COL6A6: variants seen among roughly 807,000 people sequenced by gnomAD.
COL6A6 encodes the protein collagen type VI alpha 6 chain.
In COL6A6, 183 loss-of-function variants were observed where a neutral mutation model predicts 208.6. The observed-to-expected ratio is 0.88, with a 90% CI of 0.78 to 0.99. The LOEUF is 0.99. COL6A6 is among the 50% of genes least tolerant of loss of function. The pLI is 0.00. For missense variants in COL6A6, 2,816 were observed against 2,815.2 expected, an observed-to-expected ratio of 1.00 and a Z score of -0.01; for synonymous variants, 973 against 1,011.8, an observed-to-expected ratio of 0.96 and a Z score of 0.73.
At chr3:130,554,225 G>C (rs1048705443) in intron 1 of COL6A6, among the ~76,000 whole-genome samples, 3 of 152,228 alleles carry the variant, frequency 2.0e-5, no homozygotes, top group South Asian at 4.1e-4. Context: ...TTTCTTGGCT[G>C]GTATAGGGGT....
chr3:130,640,261 A>G (rs1049914856), intron 28 of COL6A6, among the ~76,000 whole-genome samples: 2 of 152,166 alleles, frequency 1.3e-5, no homozygotes, highest in African/African-American at 4.8e-5. Flanking sequence ...TTAGGATTCA[A>G]CTTTCTCAGG....
In COL6A6 at chr3:130,563,627, G is replaced by C; in HGVS notation, c.624G>C (p.Lys208Asn). Residue 208 changes from lysine to asparagine, a missense_variant, in exon 3 of 37, where the codon AAG becomes AAC. Coordinates refer to ENST00000358511, the MANE Select transcript of COL6A6 (RefSeq NM_001102608.3). ...NMTHIIKDVI[K>N]YKEGAVDDIF... is the part of the protein sequence containing the mutation. ...CACACATCATCAAGGATGTAATAAA[G>C]TACAAGGAGGGAGCAGTTGATGACA... is the stretch of plus-strand genomic sequence containing the variant. 6.2e-7 allele frequency: 1 copy of C among 1,613,574 alleles called. No individual in the cohort carries two copies. The highest frequency in any genetic ancestry group is 8.5e-7 in the Non-Finnish European group (1 of 1,179,562).
Position 130,599,342 on chromosome 3 carries a change from C to T in COL6A6, c.4600-415C>T, listed in dbSNP as rs1243617319. On this transcript the variant is annotated intron_variant, in intron 19 of 36. Transcript: ENST00000358511. ...TCTTTTTATTATGAGACTTTATTTA[C>T]AGTAAGGTAATAATCTGTTTGATTA... 2.0e-5 allele frequency among the ~76,000 whole-genome samples: 3 copies of T among 152,002 alleles called. No individual in the cohort carries two copies. In the East Asian group the frequency reaches 5.8e-4, roughly 29 times the overall value.
chr3:130,574,601 C>T (rs905992562), intron 8 of COL6A6, 76 bp downstream of exon 8: 2 of 1,203,340 alleles, frequency 1.7e-6, no homozygotes, highest in African/African-American at 3.0e-5. Flanking sequence ...CCATTGTCAT[C>T]CCCTGGGGCT....
At chr3:130,598,612 A>C (rs781685489) in intron 19 of COL6A6, among the ~76,000 whole-genome samples, 182 bp downstream of exon 19, 1 of 152,220 alleles carries the variant, frequency 6.6e-6, no homozygotes, top group Non-Finnish European at 1.5e-5. Flanking sequence ...GGATTTGAGA[A>C]ACATTCTTGC....
At chr3:130,646,263 T>C (rs1345063623) in intron 32 of COL6A6, 1 of 152,296 alleles carries the variant, frequency 6.6e-6, no homozygotes, top group East Asian at 1.9e-4. Flanking sequence ...AATTAAAGTT[T>C]AGACTGAAGA....
intron 33 of COL6A6, among the ~76,000 whole-genome samples, chr3:130,653,487 A>G (rs527494449): frequency 1.9e-4 from 29 of 152,202 alleles, no homozygotes; most frequent in Non-Finnish European, 2.9e-4. Flanking sequence ...TTTTTCTTAG[A>G]TGTTTAGACA....
chr3:130,520,989 A>G (rs1172838915), intron 1 of COL6A6, among the ~76,000 whole-genome samples: 1 of 152,222 alleles, frequency 6.6e-6, no homozygotes, highest in East Asian at 1.9e-4. Flanking sequence ...GGGAAGAAGA[A>G]TAGAATATAC....
At chr3:130,573,758 C>T (rs2063222831) in intron 7 of COL6A6, among the ~76,000 whole-genome samples, 198 bp from the exon 8 acceptor site, 1 of 151,672 alleles carries the variant, frequency 6.6e-6, no homozygotes, top group South Asian at 2.1e-4. Flanking sequence ...TTTAGTTGAT[C>T]CTGGGTTTCA....
chr3:130,530,568 T>C (rs779762546), intron 1 of COL6A6, among the ~76,000 whole-genome samples: 4 of 152,228 alleles, frequency 2.6e-5, no homozygotes, highest in Middle Eastern at 3.2e-3. Context: ...GAAAATTTAT[T>C]CTCTGAGTTT....
intron 2 of COL6A6, among the ~76,000 whole-genome samples, chr3:130,561,904 G>A (rs796725911): frequency 4.6e-5 from 7 of 151,240 alleles, no homozygotes; most frequent in East Asian, 3.9e-4. Flanking sequence ...CACCCGCCTC[G>A]GCCTCCCAAA....
rs762693550 is a variant in COL6A6, at chr3:130,649,508, C to A, written c.5679C>A (p.Ile1893=). 2 of 1,605,634 alleles carry A rather than the reference C, an allele frequency of 1.2e-6. No individual in the cohort carries two copies. Among genetic ancestry groups the A allele is most frequent in the Non-Finnish European group, 1.7e-6 (2 of 1,176,104 alleles). The change falls in exon 33 of 37, where the codon ATC becomes ATA. Residue 1893 remains isoleucine, a synonymous_variant. Transcript: ENST00000358511. The stretch of plus-strand genomic sequence containing the variant: ...CCATGGAGTTCGGCGCGCTTGAAAT[C>A]ATTCCCGTGGTGATCACTTTCAGCA... The part of the protein sequence containing the change: ...TAAMEFGALE[I]IPVVITFSNV...
chr3:130,616,738 T>G (rs2064540055), intron 23 of COL6A6, among the ~76,000 whole-genome samples: 1 of 152,146 alleles, frequency 6.6e-6, no homozygotes, highest in Non-Finnish European at 1.5e-5. Context: ...TGTTTTTGTC[T>G]TTACAAAGCA....
intron 24 of COL6A6, among the ~76,000 whole-genome samples, chr3:130,626,060 A>C (rs1441847798): frequency 6.6e-6 from 1 of 152,246 alleles, no homozygotes; most frequent in Non-Finnish European, 1.5e-5. Context: ...ATGTTCTACT[A>C]GTCAGAAGTT....
chr3:130,533,917 A>C (rs923383917), intron 1 of COL6A6, among the ~76,000 whole-genome samples: 1 of 152,202 alleles, frequency 6.6e-6, no homozygotes, highest in Non-Finnish European at 1.5e-5. Context: ...TGTTTGAACA[A>C]TATTCCCACG....
At chr3:130,564,804 A>G (rs2062976635) in intron 3 of COL6A6, among the ~76,000 whole-genome samples, 190 bp from the exon 4 acceptor site, 1 of 152,210 alleles carries the variant, frequency 6.6e-6, no homozygotes, top group African/African-American at 2.4e-5. Context: ...GAGGAAATTG[A>G]AGCCGGGAGT....
At chr3:130,591,493 C>T (rs1342374185) in intron 13 of COL6A6, among the ~76,000 whole-genome samples, 1 of 152,050 alleles carries the variant, frequency 6.6e-6, no homozygotes, top group Non-Finnish European at 1.5e-5. Context: ...ATTTGTTTAC[C>T]AATTATATAT....
intron 1 of COL6A6, among the ~76,000 whole-genome samples, chr3:130,552,585 G>T (rs780875753): frequency 1.3e-5 from 2 of 151,982 alleles, no homozygotes; most frequent in African/African-American, 2.4e-5. Flanking sequence ...GATTAAGTTG[G>T]GTCTTAATCC....
chr3:130,553,771 T>A (rs2062701979), intron 1 of COL6A6, among the ~76,000 whole-genome samples: 1 of 152,234 alleles, frequency 6.6e-6, no homozygotes, highest in African/African-American at 2.4e-5. Context: ...TTCTTTCTCA[T>A]CTTTATGGGC....
Sources: gnomAD v4.1 joint callset for allele counts (sites outside exome capture counted in the v4.1 genomes callset) on GRCh38, gnomAD v4.1.1 for gene constraint, MANE v1.5 for transcripts, NCBI Gene and HGNC (gene_info 2026-07-23, HGNC 2026-07-21) for gene names.